TAF3: variants seen among roughly 807,000 people sequenced by gnomAD.
TAF3 encodes the protein transcription initiation factor TFIID subunit 3.
Under a neutral mutation model 80.6 loss-of-function variants are expected in TAF3, and 7 were observed. The observed-to-expected ratio is 0.09, with a 90% CI of 0.05 to 0.16. The LOEUF (loss-of-function observed/expected upper bound fraction) is 0.16, where lower values mean the gene tolerates loss of function less well. Among genes scored for constraint, TAF3 ranks in the 10% least tolerant of loss-of-function variants. TAF3 has a pLI of 1.00. For missense variants in TAF3, 921 were observed against 1,140.2 expected (o/e 0.81, Z 2.77); for synonymous variants, 444 against 446.1 (o/e 1.00, Z 0.06).
intron 2 of TAF3, among the ~76,000 whole-genome samples, chr10:7,887,232 TAAAA>T (rs528310249): frequency 0.012 from 1,674 of 139,524 alleles, 32 homozygotes; most frequent in African/African-American, 0.042. Context: ...ACTCTGTATT[TAAAA>T]AAAAAAAAAA....
intron 2 of TAF3, among the ~76,000 whole-genome samples, chr10:7,955,065 T>C (rs1377157867): frequency 1.3e-5 from 2 of 152,248 alleles, no homozygotes; most frequent in African/African-American, 4.8e-5. Context: ...GTGCACTCCA[T>C]ATGTGAATGA....
intron 2 of TAF3, among the ~76,000 whole-genome samples, chr10:7,881,072 C>CA (rs1399594647): frequency 1.3e-5 from 2 of 151,900 alleles, no homozygotes; most frequent in African/African-American, 4.8e-5. Context: ...CCCGTCTCTA[C>CA]AAAAAATACA....
intron 2 of TAF3, among the ~76,000 whole-genome samples, chr10:7,846,732 A>C (rs1292094651): frequency 6.6e-6 from 1 of 152,240 alleles, no homozygotes; most frequent in Non-Finnish European, 1.5e-5. Context: ...TTCAGGGATC[A>C]TATTTCCTGC....
chr10:7,956,399 A>G (rs1463477304), intron 2 of TAF3, among the ~76,000 whole-genome samples: 1 of 152,156 alleles, frequency 6.6e-6, no homozygotes, highest in Non-Finnish European at 1.5e-5. Context: ...AGGCAGGAGA[A>G]TCGCTTGACC....
chr10:7,827,795 A>C (rs1836758339), intron 2 of TAF3, among the ~76,000 whole-genome samples: 1 of 151,082 alleles, frequency 6.6e-6, no homozygotes, highest in Non-Finnish European at 1.5e-5. Context: ...AAAAAAAAAA[A>C]ACAAAAACAA....
rs770123211 is a variant in TAF3, at chr10:7,965,732, A to G, written c.2222A>G (p.Lys741Arg). ...AGAGAAAAAGAGAAGGAGAAACACA[A>G]GCATGAAAAAGTAAGCAGTTTCTCA... The part of the protein sequence containing the change: ...EKREKEKEKH[K>R]HEKIKVEPVA... Residue 741 changes from lysine (K) to arginine (R), a missense_variant, in exon 3 of 7, where the codon AAG becomes AGG. Physicochemically the swap from Lys to Arg is conservative, Grantham distance 26 (BLOSUM62 2). Around this residue, in one of 6 missense-constraint regions of TAF3, gnomAD observed 743 missense variants for 821.0 expected, o/e 0.90. Coordinates refer to ENST00000344293, the MANE Select transcript of TAF3 (RefSeq NM_031923.4). 6 of 1,535,226 alleles carry G rather than the reference A, an allele frequency of 3.9e-6. No individual in the cohort carries two copies. The East Asian group carries it at 9.1e-5, about 23-fold the overall frequency.
At chr10:7,943,723 C>CA (rs1837997708) in intron 2 of TAF3, among the ~76,000 whole-genome samples, 1 of 152,170 alleles carries the variant, frequency 6.6e-6, no homozygotes, top group Admixed American at 6.5e-5. Context: ...TATAATTCTA[C>CA]AAGGAGAGAA....
At chr10:7,824,869 T>C (rs1466237704) in intron 2 of TAF3, among the ~76,000 whole-genome samples, 1 of 152,198 alleles carries the variant, frequency 6.6e-6, no homozygotes, top group Non-Finnish European at 1.5e-5. Flanking sequence ...TTAGGTAAAT[T>C]AGAAAACATT....
At chr10:8,003,139 T>A (rs1025130246) in intron 4 of TAF3, among the ~76,000 whole-genome samples, 1 of 152,214 alleles carries the variant, frequency 6.6e-6, no homozygotes, top group Non-Finnish European at 1.5e-5. Context: ...GATATAATCA[T>A]TGATATTTTG....
intron 2 of TAF3, among the ~76,000 whole-genome samples, chr10:7,846,738 C>T (rs1357032948): frequency 6.6e-6 from 1 of 152,182 alleles, no homozygotes; most frequent in African/African-American, 2.4e-5. Context: ...GATCATATTT[C>T]CTGCATCTTG....
At chr10:7,856,858 C>CAAA (rs57207229) in intron 2 of TAF3, among the ~76,000 whole-genome samples, 51 of 90,932 alleles carry the variant, frequency 5.6e-4, no homozygotes, top group African/African-American at 8.2e-4. Flanking sequence ...AGCTGGTTCT[C>CAAA]AAAAAAAAAA....
intron 2 of TAF3, among the ~76,000 whole-genome samples, chr10:7,932,449 C>G (rs758177406): frequency 1.3e-5 from 2 of 152,042 alleles, no homozygotes; most frequent in African/African-American, 2.4e-5. Flanking sequence ...GGTCAAGAGA[C>G]AGACTGAGAG....
At chr10:7,914,371 C>A (rs265935) in intron 2 of TAF3, among the ~76,000 whole-genome samples, 16 of 152,240 alleles carry the variant, frequency 1.1e-4, no homozygotes, top group East Asian at 3.8e-4. Context: ...TGTTTTCCCC[C>A]TCCTATTTCA....
At chr10:7,888,801 T>C (rs1447595484) in intron 2 of TAF3, among the ~76,000 whole-genome samples, 3 of 152,254 alleles carry the variant, frequency 2.0e-5, no homozygotes, top group African/African-American at 7.2e-5. Context: ...GTTGTGCTTT[T>C]AAGATGACTG....
chr10:7,849,172 T>C (rs1176325147), intron 2 of TAF3, among the ~76,000 whole-genome samples: 4 of 152,316 alleles, frequency 2.6e-5, no homozygotes, highest in African/African-American at 9.6e-5. Flanking sequence ...GAAGTACTAG[T>C]ATTATCTTTT....
At chr10:7,849,361 A>G (rs1385740455) in intron 2 of TAF3, among the ~76,000 whole-genome samples, 1 of 152,232 alleles carries the variant, frequency 6.6e-6, no homozygotes, top group East Asian at 1.9e-4. Context: ...TTTGTAAGAC[A>G]TCATCCTAAA....
chr10:8,007,060 T>C (rs1211548660), intron 4 of TAF3, among the ~76,000 whole-genome samples: 1 of 152,206 alleles, frequency 6.6e-6, no homozygotes, highest in African/African-American at 2.4e-5. Context: ...AGAAACTTCA[T>C]TTCTAGGGAT....
intron 4 of TAF3, among the ~76,000 whole-genome samples, chr10:7,979,448 T>C (rs1159520573): frequency 6.6e-6 from 1 of 152,148 alleles, no homozygotes; most frequent in Non-Finnish European, 1.5e-5. Context: ...ATTTATTCTG[T>C]TTTCCCCCTC....
chr10:7,868,220 C>T (rs1232823765), intron 2 of TAF3, among the ~76,000 whole-genome samples: 1 of 152,170 alleles, frequency 6.6e-6, no homozygotes, highest in Admixed American at 6.5e-5. Context: ...AATAGAAAGT[C>T]ATCATCCAAC....
Sources: allele counts gnomAD v4.1 joint callset (sites outside exome capture counted in the v4.1 genomes callset), GRCh38; gene constraint gnomAD v4.1.1; regional missense constraint gnomAD v4.1.1; transcripts MANE v1.5; gene names NCBI Gene and HGNC (gene_info 2026-07-23, HGNC 2026-07-21).